The following GNG7 variants were observed in gnomAD, a reference collection of about 807,000 sequenced individuals.
The protein encoded by GNG7 is guanine nucleotide-binding protein G(I)/G(S)/G(O) subunit gamma-7.
In GNG7, 1 loss-of-function variant was observed where a neutral mutation model predicts 4.0. The observed-to-expected ratio is 0.25, with a 90% confidence interval of 0.09 to 1.18. The LOEUF (loss-of-function observed/expected upper bound fraction) is 1.18, where lower values mean the gene tolerates loss of function less well. Ranked by LOEUF, GNG7 falls within the 50% of genes most tolerant of loss-of-function variation. The pLI, the probability that GNG7 is intolerant of heterozygous loss-of-function variation, is 0.50. For synonymous variants in GNG7, 34 were observed against 36.9 expected, an observed-to-expected ratio of 0.92 and a Z score of 0.29; for missense variants, 86 against 91.9, an observed-to-expected ratio of 0.94 and a Z score of 0.26.
chr19:2,569,741 C>T (rs571052984), intron 2 of GNG7, among the ~76,000 whole-genome samples: 1 of 152,290 alleles, frequency 6.6e-6, no homozygotes, highest in South Asian at 2.1e-4. Context: ...CTTCCACTCA[C>T]TCCATGCCAA....
intron 2 of GNG7, chr19:2,632,015 C>T (rs1982171667): frequency 6.6e-6 from 1 of 152,272 alleles, no homozygotes; most frequent in Non-Finnish European, 1.5e-5. Context: ...CTAGCATCGA[C>T]TAGGCTAATC....
chr19:2,694,337 A>G (rs1263349630), intron 1 of GNG7, among the ~76,000 whole-genome samples: 1 of 152,046 alleles, frequency 6.6e-6, no homozygotes, highest in Non-Finnish European at 1.5e-5. Context: ...AGCCTGGTAT[A>G]GAGCAGTGGT....
chr19:2,599,022 A>T (rs1981119753), intron 2 of GNG7, among the ~76,000 whole-genome samples: 2 of 151,974 alleles, frequency 1.3e-5, no homozygotes, highest in African/African-American at 4.8e-5. Flanking sequence ...CATGATGAAG[A>T]GGGGGAGAGG....
At chr19:2,676,472 GCA>G (rs1469685896) in intron 1 of GNG7, among the ~76,000 whole-genome samples, 5 of 152,106 alleles carry the variant, frequency 3.3e-5, no homozygotes, top group Non-Finnish European at 7.4e-5. Context: ...GAGTGCAGTG[GCA>G]CAGTCTCAGC....
rs528196518 is a variant in GNG7, at chr19:2,612,167, C to A, written c.-78+34057G>T. Among the ~76,000 whole-genome samples the A allele has an allele frequency of 1.1e-4, 16 of 152,262 alleles. No homozygotes were observed. In the South Asian group the frequency reaches 3.3e-3, roughly 32 times the overall value. ...GGACTACAGGTGTGAGCCAGCGCGC[C>A]CGGCCAAATCTTTCTTTCTTTTTAA... On this transcript the variant is annotated intron_variant, in intron 2 of 4. Coordinates refer to ENST00000382159, the MANE Select transcript of GNG7 (RefSeq NM_052847.3).
At chr19:2,698,884 A>G (rs1164653934) in intron 1 of GNG7, among the ~76,000 whole-genome samples, 2 of 152,228 alleles carry the variant, frequency 1.3e-5, no homozygotes, top group Non-Finnish European at 2.9e-5. Flanking sequence ...GTGGGGCCCC[A>G]GGGTTTACGA....
At chr19:2,559,518 A>AT (rs1407861335) in intron 2 of GNG7, among the ~76,000 whole-genome samples, 2 of 147,910 alleles carry the variant, frequency 1.4e-5, no homozygotes, top group East Asian at 4.0e-4. Context: ...TGTCCGGCTA[A>AT]TTTTTTTTTC....
chr19:2,681,992 C>T (rs915980993), intron 1 of GNG7, among the ~76,000 whole-genome samples: 4 of 152,162 alleles, frequency 2.6e-5, no homozygotes, highest in African/African-American at 9.7e-5. Context: ...TCACTGCAAC[C>T]TCCGCCTCCC....
At chr19:2,543,950 C>G (rs1326299288) in intron 3 of GNG7, among the ~76,000 whole-genome samples, 2 of 152,196 alleles carry the variant, frequency 1.3e-5, no homozygotes, top group Non-Finnish European at 2.9e-5. Context: ...TCGCAGAGCT[C>G]CTGGACTCTT....
rs902895324 is a variant in GNG7 at position 2,611,193 on chromosome 19, G to C, written c.-78+35031C>G. The stretch of plus-strand genomic sequence containing the variant: ...AGGGATCCAGGGCCCTGGCGAGACA[G>C]CCTGGGAGACGCAGAGTGGGAAATG... On this transcript the variant is annotated intron_variant, in intron 2 of 4. Transcript: ENST00000382159. This position sits in a 1 kb window ranked among gnomAD's most constrained non-coding sequence, Gnocchi z 6.0. 3.9e-5 allele frequency: 6 copies of C among 152,454 alleles called. No homozygotes were observed. Among genetic ancestry groups the C allele is most frequent in the African/African-American group, 1.2e-4 (5 of 41,592 alleles). The allele number at this position is 152,454 out of a possible 1,614,324, so 9.4% of individuals were successfully genotyped here. A position where few individuals can be genotyped will look rare whatever the true frequency, so the allele number is the denominator to read the frequency against.
chr19:2,581,490 C>A (rs1423514641), intron 2 of GNG7, among the ~76,000 whole-genome samples: 1 of 152,036 alleles, frequency 6.6e-6, no homozygotes, highest in Non-Finnish European at 1.5e-5. Context: ...GATGTGGGGG[C>A]CCCCTCCCTG....
intron 2 of GNG7, among the ~76,000 whole-genome samples, chr19:2,568,274 T>A (rs62646517): frequency 7.5e-5 from 11 of 146,750 alleles, no homozygotes; most frequent in South Asian, 6.5e-4. Flanking sequence ...TAGAGACACA[T>A]ATAGACTTAC....
chr19:2,672,950 G>A (rs1376166128), intron 1 of GNG7, among the ~76,000 whole-genome samples: 3 of 151,868 alleles, frequency 2.0e-5, no homozygotes, highest in East Asian at 3.9e-4. Context: ...AACTCCTGAC[G>A]AGTCCTCCTC....
intron 2 of GNG7, among the ~76,000 whole-genome samples, chr19:2,638,500 GAAT>G (rs1568270316): frequency 8.0e-5 from 1 of 12,514 alleles, no homozygotes; most frequent in Non-Finnish European, 2.3e-4. Context: ...GAGGGGAGGG[GAAT>G]GGAAGGGGAG....
chr19:2,689,643 A>C (rs1051270919), intron 1 of GNG7, among the ~76,000 whole-genome samples: 3 of 151,228 alleles, frequency 2.0e-5, no homozygotes, highest in South Asian at 2.1e-4. Flanking sequence ...AAAAAAAAAA[A>C]AAAAAACCAT....
At chr19:2,551,602 T>C (rs1454558040) in intron 3 of GNG7, among the ~76,000 whole-genome samples, 2 of 147,930 alleles carry the variant, frequency 1.4e-5, no homozygotes, top group African/African-American at 2.4e-5. Context: ...TTTATAAATA[T>C]ATAAACAAAT....
intron 2 of GNG7, among the ~76,000 whole-genome samples, chr19:2,641,472 G>C (rs1014902834): frequency 6.6e-6 from 1 of 151,610 alleles, no homozygotes; most frequent in African/African-American, 2.4e-5. Context: ...GTCAAACAGA[G>C]ACTGGAAGAG....
At chr19:2,683,495 G>A (rs1226866348) in intron 1 of GNG7, 1 of 152,138 alleles carries the variant, frequency 6.6e-6, no homozygotes, top group Non-Finnish European at 1.5e-5. Context: ...CTTGAGGTAG[G>A]AGCCTCTTCT....
chr19:2,666,818 G>A (rs1362710979), intron 1 of GNG7, among the ~76,000 whole-genome samples: 2 of 152,220 alleles, frequency 1.3e-5, no homozygotes, highest in Non-Finnish European at 2.9e-5. Flanking sequence ...ATAGTAACAG[G>A]TGGCCTGGAT....
Sources: gnomAD v4.1 joint callset for allele counts (sites outside exome capture counted in the v4.1 genomes callset) on GRCh38, gnomAD v4.1.1 for gene constraint, Gnocchi (gnomAD v3.1) non-coding constraint, MANE v1.5 for transcripts, NCBI Gene and HGNC (gene_info 2026-07-23, HGNC 2026-07-21) for gene names.